The following RCC1 variants were observed in gnomAD, a reference collection of about 807,000 sequenced individuals.
RCC1 encodes the protein regulator of chromosome condensation.
A neutral mutation model predicts 44.4 loss-of-function variants in RCC1; 11 were observed. The observed-to-expected ratio is 0.25, with a 90% CI of 0.16 to 0.41. RCC1 has a LOEUF of 0.41. Among genes scored for constraint, RCC1 ranks in the 10% least tolerant of loss-of-function variants. The pLI is 1.00. For synonymous variants in RCC1, 213 were observed against 216.5 expected (o/e 0.98, Z 0.14); for missense variants, 386 against 547.1 (o/e 0.71, Z 2.94).
chr1:28,523,229 C>T (rs1663410506), intron 4 of RCC1, among the ~76,000 whole-genome samples: 2 of 151,900 alleles, frequency 1.3e-5, no homozygotes, highest in South Asian at 4.2e-4. Context: ...GACGGGGTTT[C>T]ACCGTGGTCT....
At chr1:28,514,801 A>G (rs1209440958) in intron 3 of RCC1, among the ~76,000 whole-genome samples, 2 of 151,878 alleles carry the variant, frequency 1.3e-5, no homozygotes, top group Admixed American at 1.3e-4. Flanking sequence ...ACAGTGGCTC[A>G]CGCCTGTAAT....
chr1:28,529,286 C>T (rs377313162), intron 4 of RCC1, among the ~76,000 whole-genome samples: 1 of 147,262 alleles, frequency 6.8e-6, no homozygotes, highest in Non-Finnish European at 1.5e-5. Flanking sequence ...CGGGTTCAAG[C>T]GATTCTCCTG....
At chr1:28,520,287 C>T (rs578097861) in intron 4 of RCC1, among the ~76,000 whole-genome samples, 4 of 152,328 alleles carry the variant, frequency 2.6e-5, no homozygotes, top group Admixed American at 2.6e-4. Context: ...GGACGGAGGG[C>T]ACAGCTGCAG....
intron 4 of RCC1, among the ~76,000 whole-genome samples, chr1:28,522,780 A>G (rs567885549): frequency 6.6e-6 from 1 of 152,120 alleles, no homozygotes; most frequent in South Asian, 2.1e-4. Flanking sequence ...GTGCTGCTGC[A>G]CTACAGCCTG....
At chr1:28,508,803 G>A (rs376433462) in intron 2 of RCC1, 27 bp from the exon 3 acceptor site, 15 of 517,792 alleles carry the variant, frequency 2.9e-5, no homozygotes, top group South Asian at 8.4e-5. Context: ...ATCTTCAGGA[G>A]TCTAATCATT....
At chr1:28,526,432 G>T in intron 4 of RCC1, 1 of 479,326 alleles carries the variant, frequency 2.1e-6, no homozygotes, top group Non-Finnish European at 4.0e-6. Flanking sequence ...TCTGACAAGG[G>T]TGCGATGTTT....
intron 3 of RCC1, chr1:28,509,267 G>A (rs1274952902): frequency 3.3e-5 from 7 of 213,254 alleles, no homozygotes; most frequent in Non-Finnish European, 6.7e-5. Context: ...CACTGTGTTG[G>A]TGGTTATATT....
intron 4 of RCC1, chr1:28,519,049 G>T (rs753563521): frequency 1.3e-5 from 2 of 152,300 alleles, no homozygotes; most frequent in African/African-American, 4.8e-5. Context: ...GTGTTACGGG[G>T]AGCCCTCAGG....
chr1:28,512,035 C>T lies in RCC1; in HGVS notation c.-153+3130C>T, dbSNP rs139611256. 5.8e-4 allele frequency among the ~76,000 whole-genome samples: 82 copies of T among 140,724 alleles called. 1 individual carries two copies. In the East Asian group the frequency reaches 0.016, roughly 27 times the overall value. 92.3% of individuals were successfully genotyped at this position (140,724 alleles called of 152,430 possible). ...TGCCTCCCAGGCTGGAGTGCAGTGG[C>T]GTGATCTCAGCTCACTGCTACCTCT... On this transcript the variant is annotated intron_variant, in intron 3 of 12. Coordinates refer to ENST00000683442, the MANE Select transcript of RCC1 (RefSeq NM_001381865.2).
intron 7 of RCC1, among the ~76,000 whole-genome samples, chr1:28,533,119 G>A (rs1664283278): frequency 6.6e-6 from 1 of 152,048 alleles, no homozygotes; most frequent in Non-Finnish European, 1.5e-5. Flanking sequence ...CGGCCTGATG[G>A]GTGTTTCCTT....
intron 5 of RCC1, chr1:28,530,635 G>T: frequency 3.2e-6 from 5 of 1,580,778 alleles, no homozygotes; most frequent in Non-Finnish European, 2.6e-6. Flanking sequence ...CGCCCGGGGC[G>T]CCCTCTGTGC....
At chr1:28,516,493 C>T (rs1298857444) in intron 3 of RCC1, among the ~76,000 whole-genome samples, 1 of 131,020 alleles carries the variant, frequency 7.6e-6, no homozygotes, top group South Asian at 2.3e-4. Flanking sequence ...CAGAGTGAGA[C>T]CCCATCTCAA....
chr1:28,537,127 G>A (rs1664603483), intron 12 of RCC1, among the ~76,000 whole-genome samples: 1 of 152,148 alleles, frequency 6.6e-6, no homozygotes, highest in Non-Finnish European at 1.5e-5. Context: ...GAGAGAAATA[G>A]CAAAGAGTGA....
Position 28,535,924 on chromosome 1 carries a change from C to T in RCC1, c.715C>T (p.His239Tyr). 6.2e-7 allele frequency: 1 copy of T among 1,614,116 alleles called. No homozygotes were observed. Among genetic ancestry groups the T allele is most frequent in the Non-Finnish European group, 8.5e-7 (1 of 1,180,008 alleles). The change falls in exon 10 of 13, where the codon CAC (histidine) becomes TAC (tyrosine). Residue 239 changes from histidine to tyrosine, a missense_variant. Transcript: ENST00000683442. ...GCTGAAATCCAGGGGAAGCCGGGGC[C>T]ACGTGAGATTCCAGGATGCCTTTTG... ...VMLKSRGSRG[H>Y]VRFQDAFCGA...
chr1:28,511,131 TTAGGAGTAC>T (rs1271730691), intron 3 of RCC1, among the ~76,000 whole-genome samples: 54 of 152,296 alleles, frequency 3.5e-4, no homozygotes, highest in African/African-American at 1.3e-3. Context: ...GTTGCCTATC[TTAGGAGTAC>T]TAGACTGGGT....
rs555642021 is a variant in RCC1 at position 28,533,447 on chromosome 1, G to C, written c.441+1097G>C. On this transcript the variant is annotated intron_variant, in intron 7 of 12. Transcript: ENST00000683442. ...GATCGCGCCACTGCACTCCAGCCTA[G>C]GGGACAGAGCGAGACTCCATCTCAA... Among the ~76,000 whole-genome samples, 768 of 148,542 alleles carry C rather than the reference G, an allele frequency of 5.2e-3. 5 individuals are homozygous for C. Among genetic ancestry groups the C allele is most frequent in the African/African-American group, 0.018 (727 of 40,296 alleles).
Position 28,536,248 on chromosome 1 carries a change from G to A in RCC1, c.818-14G>A, listed in dbSNP as rs200991293. ...GAACACCTTCACCCCTGATGGCTCCGGCCTTTCCCCCAGGAACTCCGGGCA... is the reference window on the plus strand; with the variant it reads ...GAACACCTTCACCCCTGATGGCTCCAGCCTTTCCCCCAGGAACTCCGGGCA... On this transcript the variant is annotated splice_polypyrimidine_tract_variant and intron_variant, in intron 10 of 12. Coordinates refer to ENST00000683442, the MANE Select transcript of RCC1 (RefSeq NM_001381865.2). The surrounding 1 kb of genome is among the most constrained non-coding windows in gnomAD (Gnocchi z 4.9). 2.6e-5 allele frequency: 42 copies of A among 1,613,212 alleles called. No homozygotes were observed. Among genetic ancestry groups the A allele is most frequent in the Middle Eastern group, 3.3e-4 (2 of 6,058 alleles).
intron 4 of RCC1, among the ~76,000 whole-genome samples, chr1:28,524,637 C>T (rs895884889): frequency 6.6e-6 from 1 of 152,130 alleles, no homozygotes; most frequent in Non-Finnish European, 1.5e-5. Flanking sequence ...GCTAGAGAAT[C>T]GCTTGAGCCC....
intron 4 of RCC1, among the ~76,000 whole-genome samples, chr1:28,524,249 C>T (rs1438091475): frequency 6.6e-6 from 1 of 152,216 alleles, no homozygotes; most frequent in African/African-American, 2.4e-5. Flanking sequence ...TCTCTTCTCT[C>T]CTGTTTGTTC....
Sources: allele counts gnomAD v4.1 joint callset (sites outside exome capture counted in the v4.1 genomes callset), GRCh38; gene constraint gnomAD v4.1.1; non-coding constraint Gnocchi (gnomAD v3.1); transcripts MANE v1.5; gene names NCBI Gene and HGNC (gene_info 2026-07-23, HGNC 2026-07-21).